The following GRIA4 variants were observed in gnomAD, a reference collection of about 807,000 sequenced individuals.
GRIA4 encodes glutamate ionotropic receptor AMPA type subunit 4, also known as glutamate receptor 4.
A neutral mutation model predicts 104.0 loss-of-function variants in GRIA4; 34 were observed. The ratio of observed to expected loss-of-function variants is 0.33; its 90% CI spans 0.25 to 0.44. The LOEUF (loss-of-function observed/expected upper bound fraction) is 0.44. GRIA4 is among the 20% of genes least tolerant of loss of function. The probability of loss-of-function intolerance (pLI) is 1.00; values close to 1 mark genes in which losing one functional copy is unlikely to be tolerated. For missense variants in GRIA4, 750 were observed against 1,096.5 expected, an observed-to-expected ratio of 0.68 and a Z score of 4.46; for synonymous variants, 386 against 381.9, an observed-to-expected ratio of 1.01 and a Z score of -0.13.
intron 4 of GRIA4, among the ~76,000 whole-genome samples, chr11:105,816,781 G>A (rs907113971): frequency 6.6e-6 from 1 of 152,146 alleles, no homozygotes; most frequent in African/African-American, 2.4e-5. Context: ...GGAGGCCGAA[G>A]CAGGAGAATC....
At chr11:105,966,114 C>T in intron 14 of GRIA4, 2 of 1,232,678 alleles carry the variant, frequency 1.6e-6, no homozygotes, top group Non-Finnish European at 2.4e-6. Flanking sequence ...GTAATAGGTG[C>T]ATCTGCTGGG....
At chr11:105,677,930 T>C (rs973003855) in intron 3 of GRIA4, among the ~76,000 whole-genome samples, 1 of 151,948 alleles carries the variant, frequency 6.6e-6, no homozygotes, top group African/African-American at 2.4e-5. Flanking sequence ...GTGAAGCATA[T>C]TTGTTTGTCT....
chr11:105,714,270 T>C (rs979772459), intron 3 of GRIA4, among the ~76,000 whole-genome samples: 9 of 150,700 alleles, frequency 6.0e-5, no homozygotes, highest in African/African-American at 2.2e-4. Context: ...AAAAAATCAA[T>C]ATATATAATT....
At chr11:105,842,362 T>A (rs1384980329) in intron 4 of GRIA4, among the ~76,000 whole-genome samples, 1 of 152,116 alleles carries the variant, frequency 6.6e-6, no homozygotes, top group Non-Finnish European at 1.5e-5. Context: ...ACACGATTAG[T>A]GTGACTGCTA....
chr11:105,886,626 T>A (rs1305449537), intron 5 of GRIA4, among the ~76,000 whole-genome samples: 2 of 152,140 alleles, frequency 1.3e-5, no homozygotes, highest in Non-Finnish European at 2.9e-5. Context: ...TATGGGATAA[T>A]AAAATGCTTA....
chr11:105,750,458 G>A (rs926430815), intron 3 of GRIA4, among the ~76,000 whole-genome samples: 1 of 152,036 alleles, frequency 6.6e-6, no homozygotes, highest in Non-Finnish European at 1.5e-5. Flanking sequence ...TTCAAAGTAA[G>A]TATATATGAA....
chr11:105,663,282 C>T (rs1057057305), intron 3 of GRIA4, among the ~76,000 whole-genome samples: 3 of 151,954 alleles, frequency 2.0e-5, no homozygotes, highest in African/African-American at 4.8e-5. Context: ...ATAAAGCTCA[C>T]AATAGTACGT....
Position 105,943,707 on chromosome 11 carries a change from C to A in GRIA4, c.2294+9738C>A, listed in dbSNP as rs73544641. On this transcript the variant is annotated intron_variant, in intron 14 of 16. Transcript: ENST00000282499. ...ATAGTTATTCTTATTCATAGATTCC[C>A]AGATCATTTCTAAATATAAAGATAT... Among the ~76,000 whole-genome samples, 325 of 152,100 alleles carry A rather than the reference C, an allele frequency of 2.1e-3. 2 individuals carry two copies. The highest frequency in any genetic ancestry group is 7.6e-3 in the African/African-American group (316 of 41,488).
intron 3 of GRIA4, among the ~76,000 whole-genome samples, chr11:105,747,648 C>T (rs1242934510): frequency 1.3e-5 from 2 of 151,928 alleles, no homozygotes; most frequent in African/African-American, 4.8e-5. Flanking sequence ...AGTTGACAAA[C>T]CTAGTAGATA....
chr11:105,799,096 C>G (rs1022252497), intron 4 of GRIA4, among the ~76,000 whole-genome samples: 1 of 151,956 alleles, frequency 6.6e-6, no homozygotes, highest in South Asian at 2.1e-4. Flanking sequence ...TGAAAAGGAA[C>G]CAACAAAGAA....
intron 3 of GRIA4, among the ~76,000 whole-genome samples, chr11:105,726,102 A>G (rs1938191055): frequency 6.6e-6 from 1 of 152,056 alleles, no homozygotes; most frequent in African/African-American, 2.4e-5. Flanking sequence ...TGCTCAGCGG[A>G]TCCTACCTCC....
chr11:105,935,900 T>A (rs1948022195), intron 14 of GRIA4, among the ~76,000 whole-genome samples: 1 of 152,192 alleles, frequency 6.6e-6, no homozygotes, highest in African/African-American at 2.4e-5. Context: ...AATCACCCAT[T>A]GGCTTCCCCC....
intron 3 of GRIA4, among the ~76,000 whole-genome samples, chr11:105,738,818 C>T (rs1278614105): frequency 1.3e-5 from 2 of 151,142 alleles, no homozygotes; most frequent in African/African-American, 4.9e-5. Flanking sequence ...TAAAGGATCA[C>T]TTAAAGGTAA....
chr11:105,860,394 G>A (rs1045537842), intron 4 of GRIA4, among the ~76,000 whole-genome samples: 5 of 151,980 alleles, frequency 3.3e-5, no homozygotes, highest in South Asian at 4.1e-4. Flanking sequence ...TTCCAAGTGC[G>A]GTATACTCGT....
chr11:105,934,110 T>A (rs1947961818), intron 14 of GRIA4, 141 bp downstream of exon 14: 1 of 767,704 alleles, frequency 1.3e-6, no homozygotes, highest in South Asian at 2.0e-5. Flanking sequence ...TTCATATATT[T>A]TGGTCAACAA....
At chr11:105,772,667 C>A (rs902593037) in intron 4 of GRIA4, among the ~76,000 whole-genome samples, 19 of 152,020 alleles carry the variant, frequency 1.2e-4, no homozygotes, top group Admixed American at 2.0e-4. Flanking sequence ...TGCACACACA[C>A]ATACACAAAC....
intron 3 of GRIA4, among the ~76,000 whole-genome samples, chr11:105,625,856 A>G (rs1366932358): frequency 2.0e-5 from 3 of 152,142 alleles, no homozygotes; most frequent in Non-Finnish European, 4.4e-5. Context: ...ACATTTTTAA[A>G]AATTCACAGT....
At chr11:105,814,022 CA>C (rs1943280469) in intron 4 of GRIA4, among the ~76,000 whole-genome samples, 1 of 151,966 alleles carries the variant, frequency 6.6e-6, no homozygotes, top group African/African-American at 2.4e-5. Flanking sequence ...CAAAAAAAGG[CA>C]AAAACCTTCC....
At chr11:105,696,074 T>C (rs75343713) in intron 3 of GRIA4, among the ~76,000 whole-genome samples, 1 of 152,248 alleles carries the variant, frequency 6.6e-6, no homozygotes, top group Non-Finnish European at 1.5e-5. Flanking sequence ...CTCTCTTTTA[T>C]GTTGGGACTT....
Sources: gnomAD v4.1 joint callset for allele counts (sites outside exome capture counted in the v4.1 genomes callset) on GRCh38, gnomAD v4.1.1 for gene constraint, MANE v1.5 for transcripts, NCBI Gene and HGNC (gene_info 2026-07-23, HGNC 2026-07-21) for gene names.